Variants in GRXCR1 observed in about 807,000 individuals in gnomAD.
GRXCR1 encodes glutaredoxin domain-containing cysteine-rich protein 1.
In GRXCR1, 27 loss-of-function variants were observed where a neutral mutation model predicts 27.3. That is an observed-to-expected ratio of 0.99 (90% CI 0.73 to 1.37). The LOEUF is 1.37. Among genes scored for constraint, GRXCR1 ranks in the 40% most tolerant of loss-of-function variants. The probability of loss-of-function intolerance (pLI) is 0.00; values close to 1 mark genes in which losing one functional copy is unlikely to be tolerated. For missense variants in GRXCR1, 379 were observed against 354.4 expected (o/e 1.07, Z -0.56); for synonymous variants, 122 against 131.1 (o/e 0.93, Z 0.47).
intron 2 of GRXCR1, among the ~76,000 whole-genome samples, chr4:42,983,508 C>A (rs1195857583): frequency 2.0e-5 from 3 of 151,292 alleles, no homozygotes; most frequent in Non-Finnish European, 4.4e-5. Context: ...CAGCTTTGTT[C>A]TTTTGGCTTA....
At chr4:42,987,218 T>TGAA (rs1174736801) in intron 2 of GRXCR1, among the ~76,000 whole-genome samples, 1 of 18,256 alleles carries the variant, frequency 5.5e-5, no homozygotes, top group Non-Finnish European at 8.8e-5. Flanking sequence ...ATATTATATA[T>TGAA]ATATTATATA....
chr4:42,913,687 C>A (rs1577903089), intron 1 of GRXCR1, among the ~76,000 whole-genome samples: 1 of 152,126 alleles, frequency 6.6e-6, no homozygotes, highest in Non-Finnish European at 1.5e-5. Flanking sequence ...TCTTAATCAC[C>A]AAGCCAATGG....
chr4:42,947,184 ATTTT>A (rs1181845441), intron 1 of GRXCR1, among the ~76,000 whole-genome samples: 2 of 152,064 alleles, frequency 1.3e-5, no homozygotes, highest in Non-Finnish European at 2.9e-5. Context: ...AGCTGTTGAA[ATTTT>A]GGACGAGGTC....
At chr4:42,901,308 T>C (rs1294796467) in intron 1 of GRXCR1, among the ~76,000 whole-genome samples, 1 of 152,172 alleles carries the variant, frequency 6.6e-6, no homozygotes, top group Admixed American at 6.6e-5. Context: ...CTCTTCACAG[T>C]TATGGAGGTC....
chr4:43,008,000 T>C (rs76637954), intron 2 of GRXCR1, among the ~76,000 whole-genome samples: 6,886 of 152,240 alleles, frequency 0.045, 463 homozygotes, highest in African/African-American at 0.15. Context: ...ACTCTGGTTA[T>C]AATACATTAT....
chr4:43,001,973 G>A (rs1712380512), intron 2 of GRXCR1, among the ~76,000 whole-genome samples: 1 of 152,220 alleles, frequency 6.6e-6, no homozygotes, highest in Admixed American at 6.5e-5. Flanking sequence ...CCAGATTTAT[G>A]TTTCTCTCCA....
intron 2 of GRXCR1, among the ~76,000 whole-genome samples, chr4:42,969,037 T>C (rs1382204653): frequency 6.6e-6 from 1 of 152,134 alleles, no homozygotes; most frequent in Admixed American, 6.6e-5. Flanking sequence ...TTTCATGTAG[T>C]CAATGATTCC....
rs567680495 is a variant in GRXCR1, at chr4:42,932,664, A to AGG, written c.385-30227_385-30226dup. ...GAGAGAGAGAGAGAGAGAGAGAGAG[A>AGG]GGCAATCTGTACAGGGCCCTGTGCT... On this transcript the variant is annotated intron_variant, in intron 1 of 3. Coordinates refer to ENST00000399770, the MANE Select transcript of GRXCR1 (RefSeq NM_001080476.3). Among the ~76,000 whole-genome samples, 188 of 107,868 alleles carry AGG rather than the reference A, an allele frequency of 1.7e-3. 2 individuals are homozygous for AGG. Among genetic ancestry groups the AGG allele is most frequent in the African/African-American group, 5.7e-3 (160 of 28,024 alleles). The allele number at this position is 107,868 out of a possible 152,430, so 70.8% of individuals were successfully genotyped here. A position where few individuals can be genotyped will look rare whatever the true frequency, so the allele number is the denominator to read the frequency against.
chr4:42,940,840 T>A (rs1358883598), intron 1 of GRXCR1, among the ~76,000 whole-genome samples: 1 of 152,078 alleles, frequency 6.6e-6, no homozygotes, highest in Non-Finnish European at 1.5e-5. Flanking sequence ...TAGAGAGACA[T>A]CAAAATAATT....
intron 1 of GRXCR1, among the ~76,000 whole-genome samples, chr4:42,912,368 T>G (rs1746741428): frequency 6.6e-6 from 1 of 152,186 alleles, no homozygotes; most frequent in Admixed American, 6.5e-5. Flanking sequence ...CATGCTTCAT[T>G]TTTTATATTG....
In GRXCR1 at chr4:43,030,491, C is replaced by A. The variant is rs376573747; in HGVS notation, c.824C>A (p.Thr275Lys). The change falls in exon 4 of 4, where the codon ACG becomes AAG. Residue 275 changes from threonine to lysine, a missense_variant. Physicochemically the swap from Thr to Lys is moderately conservative, Grantham distance 78 (BLOSUM62 -1). Transcript: ENST00000399770. The stretch of plus-strand genomic sequence containing the variant: ...GACTCTTTCAAAGCCCTGAAGTGTA[C>A]GGCTTGCAATGAAAATGGTCTTCAG... ...FTDSFKALKC[T>K]ACNENGLQRC... 8 of 1,613,888 alleles carry A rather than the reference C, an allele frequency of 5.0e-6. No individual in the cohort carries two copies. In the Admixed American group the frequency reaches 6.7e-5, roughly 13 times the overall value.
intron 2 of GRXCR1, among the ~76,000 whole-genome samples, chr4:42,984,958 G>A (rs983724439): frequency 6.6e-6 from 1 of 152,100 alleles, no homozygotes. Flanking sequence ...CTAATATTTA[G>A]TATGATGGGC....
intron 2 of GRXCR1, among the ~76,000 whole-genome samples, chr4:42,995,191 C>T (rs965236777): frequency 6.6e-6 from 1 of 151,998 alleles, no homozygotes; most frequent in Non-Finnish European, 1.5e-5. Flanking sequence ...ATGTGTCCAG[C>T]GTTGGGGTTC....
chr4:42,911,752 A>G (rs943828778), intron 1 of GRXCR1, among the ~76,000 whole-genome samples: 24 of 152,178 alleles, frequency 1.6e-4, no homozygotes, highest in African/African-American at 5.8e-4. Flanking sequence ...GATGCTAGTA[A>G]TTATAACTAA....
chr4:42,926,205 T>A (rs1577908139), intron 1 of GRXCR1, among the ~76,000 whole-genome samples: 1 of 152,074 alleles, frequency 6.6e-6, no homozygotes, highest in African/African-American at 2.4e-5. Flanking sequence ...AATTTGGCAG[T>A]TCTAAGAGAC....
intron 3 of GRXCR1, 65 bp from the exon 4 acceptor site, chr4:43,030,296 G>A: frequency 1.4e-6 from 2 of 1,449,586 alleles, no homozygotes; most frequent in Non-Finnish European, 1.9e-6. Context: ...AGACCGGGAG[G>A]CTGATTGAGT....
intron 2 of GRXCR1, among the ~76,000 whole-genome samples, chr4:43,002,495 C>T (rs924501999): frequency 9.9e-5 from 15 of 151,502 alleles, no homozygotes; most frequent in Non-Finnish European, 2.1e-4. Flanking sequence ...GAACTCCTGG[C>T]TGGGTCAAAG....
intron 1 of GRXCR1, among the ~76,000 whole-genome samples, chr4:42,949,207 C>CA (rs1161504276): frequency 6.6e-6 from 1 of 150,980 alleles, no homozygotes; most frequent in African/African-American, 2.4e-5. Flanking sequence ...TACACACACA[C>CA]ACAAAAAAAA....
chr4:42,980,686 A>G (rs1387121029), intron 2 of GRXCR1, among the ~76,000 whole-genome samples: 1 of 151,986 alleles, frequency 6.6e-6, no homozygotes, highest in Non-Finnish European at 1.5e-5. Flanking sequence ...ATATTTTCTT[A>G]TTGATTTTCT....
Sources: gnomAD v4.1 joint callset for allele counts (sites outside exome capture counted in the v4.1 genomes callset) on GRCh38, gnomAD v4.1.1 for gene constraint, MANE v1.5 for transcripts, NCBI Gene and HGNC (gene_info 2026-07-23, HGNC 2026-07-21) for gene names.